The following MCPH1 variants were observed in gnomAD, a reference collection of about 807,000 sequenced individuals.
MCPH1 encodes the protein microcephalin.
In MCPH1, 104 loss-of-function variants were observed where a neutral mutation model predicts 84.5. That is an observed-to-expected ratio of 1.23 (90% confidence interval 1.05 to 1.45). The LOEUF is 1.45. Ranked by LOEUF, MCPH1 falls within the 40% of genes most tolerant of loss-of-function variation. MCPH1 has a pLI of 0.00. For missense variants in MCPH1, 1,498 were observed against 1,005.7 expected, an observed-to-expected ratio of 1.49 and a Z score of -6.62; for synonymous variants, 514 against 366.8, an observed-to-expected ratio of 1.40 and a Z score of -4.58.
chr8:6,626,065 C>A (rs1832045255), intron 13 of MCPH1: 2 of 985,446 alleles, frequency 2.0e-6, no homozygotes, highest in Non-Finnish European at 2.4e-6. Flanking sequence ...TTTGTTCCTG[C>A]ACAGTCTGCC....
intron 13 of MCPH1, among the ~76,000 whole-genome samples, chr8:6,628,337 G>A (rs1207989806): frequency 1.3e-5 from 2 of 151,800 alleles, no homozygotes; most frequent in Non-Finnish European, 2.9e-5. Flanking sequence ...CGGTCGTGGT[G>A]GCAGGTGCCT....
intron 9 of MCPH1, among the ~76,000 whole-genome samples, chr8:6,460,875 T>C (rs915633001): frequency 6.6e-6 from 1 of 152,178 alleles, no homozygotes; most frequent in African/African-American, 2.4e-5. Context: ...AGCTGGGGCT[T>C]GTTTGTTTGT....
At position 6,480,804 on chromosome 8, in the gene MCPH1, C is replaced by T. The variant is rs368480838; in HGVS notation, c.2064C>T (p.Ser688=). ...GTGAGACCACGACTCACGTGCTTTC[C>T]GGGAAGCCACTTCGCACCCTGAATG... ...DVCETTTHVL[S]GKPLRTLNVL... The change falls in exon 11 of 14, where the codon TCC becomes TCT. Residue 688 remains serine, a synonymous_variant. Coordinates refer to ENST00000344683, the MANE Select transcript of MCPH1 (RefSeq NM_024596.5). 12 of 1,614,148 alleles carry T rather than the reference C, an allele frequency of 7.4e-6. No individual in the cohort carries two copies. Among genetic ancestry groups the T allele is most frequent in the East Asian group, 2.2e-5 (1 of 44,874 alleles).
chr8:6,609,648 G>A (rs117692138), intron 12 of MCPH1, among the ~76,000 whole-genome samples: 245 of 152,292 alleles, frequency 1.6e-3, no homozygotes, highest in Admixed American at 2.2e-3. Context: ...AAGCTAAGCC[G>A]GGAGCGATTA....
At chr8:6,523,776 AC>A (rs1399954192) in intron 12 of MCPH1, among the ~76,000 whole-genome samples, 1 of 151,852 alleles carries the variant, frequency 6.6e-6, no homozygotes, top group African/African-American at 2.4e-5. Context: ...TTTAGTAGAG[AC>A]GTGGTTTCAT....
At chr8:6,620,469 G>A (rs1036634210) in intron 12 of MCPH1, among the ~76,000 whole-genome samples, 2 of 151,842 alleles carry the variant, frequency 1.3e-5, no homozygotes, top group African/African-American at 2.4e-5. Context: ...CCCTGCCTCC[G>A]AGGTCAGCCT....
intron 12 of MCPH1, among the ~76,000 whole-genome samples, chr8:6,594,942 G>A (rs778331347): frequency 6.6e-6 from 1 of 152,210 alleles, no homozygotes; most frequent in Non-Finnish European, 1.5e-5. Context: ...GTTTTAAACT[G>A]TTCTTTAAAA....
intron 12 of MCPH1, among the ~76,000 whole-genome samples, chr8:6,579,472 G>A (rs1391670484): frequency 6.6e-6 from 1 of 152,182 alleles, no homozygotes; most frequent in Non-Finnish European, 1.5e-5. Context: ...TCGCCCTCTG[G>A]TGCAATCCTG....
intron 12 of MCPH1, among the ~76,000 whole-genome samples, chr8:6,566,897 C>T (rs113697871): frequency 1.4e-5 from 2 of 143,182 alleles, no homozygotes; most frequent in South Asian, 4.5e-4. Flanking sequence ...GTGCGGTGAC[C>T]ATGTGTGATC....
Position 6,621,576 on chromosome 8 carries a change from C to A in MCPH1, c.2337C>A (p.Val779=). 6.2e-7 allele frequency: 1 copy of A among 1,614,230 alleles called. No homozygotes were observed. Among genetic ancestry groups the A allele is most frequent in the African/African-American group, 1.3e-5 (1 of 75,062 alleles). The change falls in exon 13 of 14, where the codon GTC becomes GTA. Residue 779 remains valine, a synonymous_variant. Transcript: ENST00000344683. ...SPPVAKLCEL[V]HLCGGRVSQV... ...CAGTGGCCAAGCTCTGTGAACTAGT[C>A]CACCTGTGCGGAGGCCGGGTCAGCC... is the stretch of plus-strand genomic sequence containing the variant.
At chr8:6,617,726 G>T (rs1043024947) in intron 12 of MCPH1, among the ~76,000 whole-genome samples, 2 of 151,958 alleles carry the variant, frequency 1.3e-5, no homozygotes, top group Non-Finnish European at 2.9e-5. Flanking sequence ...ACCCACGCTG[G>T]AGTGAAGGGT....
At chr8:6,619,793 C>T (rs1286674444) in intron 12 of MCPH1, among the ~76,000 whole-genome samples, 2 of 152,100 alleles carry the variant, frequency 1.3e-5, no homozygotes, top group East Asian at 3.9e-4. Flanking sequence ...ACCATGTTAG[C>T]CAGGATGATC....
At chr8:6,588,893 G>T (rs1586725899) in intron 12 of MCPH1, among the ~76,000 whole-genome samples, 1 of 152,218 alleles carries the variant, frequency 6.6e-6, no homozygotes, top group Non-Finnish European at 1.5e-5. Context: ...TCGAAAGGGG[G>T]CTTTCCATCC....
At chr8:6,572,745 C>A (rs1024592647) in intron 12 of MCPH1, among the ~76,000 whole-genome samples, 1 of 152,090 alleles carries the variant, frequency 6.6e-6, no homozygotes, top group African/African-American at 2.4e-5. Flanking sequence ...ATTTAGAGAC[C>A]CAGTCCTGTT....
At chr8:6,551,970 C>A (rs1209394631) in intron 12 of MCPH1, among the ~76,000 whole-genome samples, 1 of 152,194 alleles carries the variant, frequency 6.6e-6, no homozygotes, top group African/African-American at 2.4e-5. Context: ...AATACTTCAA[C>A]TATCTTCAGA....
chr8:6,615,068 C>G (rs1246242062), intron 12 of MCPH1, among the ~76,000 whole-genome samples: 1 of 152,220 alleles, frequency 6.6e-6, no homozygotes, highest in African/African-American at 2.4e-5. Flanking sequence ...CTGGTCCACA[C>G]CTCATCACTT....
chr8:6,631,578 A>G (rs974302041), intron 13 of MCPH1, among the ~76,000 whole-genome samples: 38 of 152,070 alleles, frequency 2.5e-4, no homozygotes, highest in Non-Finnish European at 7.4e-5. Context: ...TAACATTACT[A>G]ATCATTAGGA....
chr8:6,630,776 T>C (rs1267026695), intron 13 of MCPH1, among the ~76,000 whole-genome samples: 1 of 135,000 alleles, frequency 7.4e-6, no homozygotes, highest in Non-Finnish European at 1.6e-5. Context: ...AGCAAAACTC[T>C]GTCCTAAAAA....
At chr8:6,531,946 C>G (rs1819599007) in intron 12 of MCPH1, among the ~76,000 whole-genome samples, 1 of 152,194 alleles carries the variant, frequency 6.6e-6, no homozygotes, top group Non-Finnish European at 1.5e-5. Flanking sequence ...GTTTCTAGCT[C>G]TTTGCCTCAG....
Sources: gnomAD v4.1 joint callset for allele counts (sites outside exome capture counted in the v4.1 genomes callset) on GRCh38, gnomAD v4.1.1 for gene constraint, MANE v1.5 for transcripts, NCBI Gene and HGNC (gene_info 2026-07-23, HGNC 2026-07-21) for gene names.